The following UNC80 variants were observed in gnomAD, a reference collection of about 807,000 sequenced individuals.
The protein encoded by UNC80 is protein unc-80 homolog.
A neutral mutation model predicts 384.6 loss-of-function variants in UNC80; 164 were observed. The observed-to-expected ratio is 0.43, with a 90% CI of 0.38 to 0.49. The LOEUF is 0.49. UNC80 is among the 20% of genes least tolerant of loss of function. The pLI, the probability that UNC80 is intolerant of heterozygous loss-of-function variation, is 0.00. For synonymous variants in UNC80, 1,486 were observed against 1,527.8 expected, an observed-to-expected ratio of 0.97 and a Z score of 0.64; for missense variants, 3,330 against 4,143.0, an observed-to-expected ratio of 0.80 and a Z score of 5.39.
chr2:209,915,411 A>C (rs1002796693), intron 31 of UNC80, among the ~76,000 whole-genome samples: 1 of 150,424 alleles, frequency 6.6e-6, no homozygotes, highest in African/African-American at 2.5e-5. Flanking sequence ...TCTCAAAAAA[A>C]AAAAAAAAAA....
chr2:209,949,634 C>T (rs1214457677), intron 47 of UNC80, among the ~76,000 whole-genome samples: 1 of 152,040 alleles, frequency 6.6e-6, no homozygotes, highest in Non-Finnish European at 1.5e-5. Context: ...CCCGCCACCA[C>T]ACCCAGCTAA....
At chr2:209,822,610 A>G (rs969367782) in intron 13 of UNC80, among the ~76,000 whole-genome samples, 2 of 152,214 alleles carry the variant, frequency 1.3e-5, no homozygotes, top group African/African-American at 4.8e-5. Context: ...AGCAAAGCTT[A>G]GATGTTCCAA....
Position 209,959,615 on chromosome 2 carries a change from G to C in UNC80, c.7713G>C (p.Lys2571Asn). ...TGAATATTTGCACTGAGTTCTATAAGCACTGTGGGCCACGGCTGAAGATCT... is the reference window on the plus strand; with the variant it reads ...TGAATATTTGCACTGAGTTCTATAACCACTGTGGGCCACGGCTGAAGATCT... ...SLLNICTEFY[K>N]HCGPRLKILQ... is the part of the protein sequence containing the mutation. Residue 2571 changes from lysine (K) to asparagine (N), a missense_variant, in exon 51 of 65, where the codon AAG (lysine) becomes AAC (asparagine). By Grantham distance (94) the Lys-to-Asn change is moderately conservative. This residue lies in a region of UNC80 where 1,049 missense variants were observed against 1,488.6 expected (regional missense o/e 0.70). Coordinates refer to ENST00000673920, the MANE Select transcript of UNC80 (RefSeq NM_001371986.1). 6.4e-7 allele frequency: 1 copy of C among 1,551,742 alleles called. No homozygotes were observed. The highest frequency in any genetic ancestry group is 1.7e-4 in the Middle Eastern group (1 of 5,992).
chr2:209,894,549 T>G (rs1011988311), intron 27 of UNC80, among the ~76,000 whole-genome samples, 183 bp downstream of exon 27: 1 of 152,200 alleles, frequency 6.6e-6, no homozygotes, highest in African/African-American at 2.4e-5. Context: ...CAAGCCTTGA[T>G]GTGCATATGG....
At position 209,959,564 on chromosome 2, in the gene UNC80, G is replaced by T; in HGVS notation, c.7662G>T (p.Glu2554Asp). ...TGGATGAACGAATTGCTCGGGAAGA[G>T]TTCAGAAGACCCCGGGAGTCCTTAC... Reference protein sequence around the residue: ...EELDERIAREEFRRPRESLLN... With the variant: ...EELDERIAREDFRRPRESLLN... The change falls in exon 51 of 65, where the codon GAG becomes GAT. Residue 2554 changes from glutamate (E) to aspartate (D), a missense_variant. Coordinates refer to ENST00000673920, the MANE Select transcript of UNC80 (RefSeq NM_001371986.1). The T allele has an allele frequency of 6.4e-7, 1 of 1,551,732 alleles. No individual in the cohort carries two copies. The highest frequency in any genetic ancestry group is 1.2e-5 in the South Asian group (1 of 84,060).
intron 55 of UNC80, among the ~76,000 whole-genome samples, chr2:209,972,672 G>A (rs1027893894): frequency 5.3e-5 from 8 of 152,146 alleles, no homozygotes; most frequent in Non-Finnish European, 7.4e-5. Context: ...GTGGACACTG[G>A]GTTTAGCAGA....
intron 33 of UNC80, 77 bp from the exon 34 acceptor site, chr2:209,921,423 T>A: frequency 7.4e-7 from 1 of 1,352,134 alleles, no homozygotes; most frequent in African/African-American, 1.5e-5. Flanking sequence ...GTTTGTGTCA[T>A]TCATTGGAAC....
rs991099209 is a variant in UNC80, at chr2:209,976,341, C to T, written c.8772+38C>T. Reference sequence around the variant, plus strand: ...CTTCTCCTCCTGAAAGTGGCAAGCTCAAATGAATGTGTGGCTCTCTACTGA... The same window carrying T: ...CTTCTCCTCCTGAAAGTGGCAAGCTTAAATGAATGTGTGGCTCTCTACTGA... On this transcript the variant is annotated intron_variant, in intron 57 of 64. Coordinates refer to ENST00000673920, the MANE Select transcript of UNC80 (RefSeq NM_001371986.1). This position sits in a 1 kb window ranked among gnomAD's most constrained non-coding sequence, Gnocchi z 4.3. 11 of 1,551,084 alleles carry T rather than the reference C, an allele frequency of 7.1e-6. No homozygotes were observed. In the African/African-American group the frequency reaches 1.5e-4, roughly 21 times the overall value.
chr2:209,971,809 G>T (rs1010962502), intron 54 of UNC80, among the ~76,000 whole-genome samples: 2 of 152,346 alleles, frequency 1.3e-5, no homozygotes, highest in African/African-American at 4.8e-5. Context: ...GGCCTTTCAT[G>T]GCAGGGGCCA....
At chr2:209,972,753 T>C (rs1265740711) in intron 55 of UNC80, among the ~76,000 whole-genome samples, 2 of 152,212 alleles carry the variant, frequency 1.3e-5, no homozygotes, top group Non-Finnish European at 2.9e-5. Flanking sequence ...AGGGATTCTT[T>C]TAGGAAAAGT....
chr2:209,910,612 G>A (rs568692642), intron 29 of UNC80, among the ~76,000 whole-genome samples: 1 of 147,726 alleles, frequency 6.8e-6, no homozygotes, highest in African/African-American at 2.5e-5. Flanking sequence ...TTGGTAGGCA[G>A]AAACACAGGG....
chr2:209,959,358 C>G, intron 50 of UNC80, 131 bp from the exon 51 acceptor site: 1 of 1,094,420 alleles, frequency 9.1e-7, no homozygotes, highest in African/African-American at 1.6e-5. Context: ...ATGAGGTTCT[C>G]CTTGGCCTCA....
At chr2:209,988,191 C>G (rs921566743) in intron 61 of UNC80, among the ~76,000 whole-genome samples, 59 of 152,170 alleles carry the variant, frequency 3.9e-4, no homozygotes, top group Non-Finnish European at 2.5e-4. Context: ...CCGTGAAGTG[C>G]TGGCTTCATG....
intron 35 of UNC80, among the ~76,000 whole-genome samples, chr2:209,924,013 GATA>G (rs926086819): frequency 7.0e-4 from 107 of 151,832 alleles, no homozygotes; most frequent in Admixed American, 2.0e-4. Flanking sequence ...AACTTTATAA[GATA>G]ATATGTTTTA....
chr2:209,925,332 C>A (rs745780059), intron 35 of UNC80, among the ~76,000 whole-genome samples: 2 of 152,110 alleles, frequency 1.3e-5, no homozygotes, highest in Non-Finnish European at 2.9e-5. Context: ...TTCCTTCCAG[C>A]GGGTTCTTGG....
At chr2:209,927,935 G>T in intron 36 of UNC80, among the ~76,000 whole-genome samples, 1 of 152,116 alleles carries the variant, frequency 6.6e-6, no homozygotes, top group Admixed American at 6.6e-5. Flanking sequence ...TTCTGTGAAT[G>T]CTGGAATTGC....
intron 22 of UNC80, among the ~76,000 whole-genome samples, chr2:209,867,141 A>G (rs1294215983): frequency 6.6e-6 from 1 of 152,250 alleles, no homozygotes; most frequent in Admixed American, 6.5e-5. Context: ...TGTTAGAAGT[A>G]GTGTTTTTCA....
At chr2:209,811,364 G>C (rs2079335018) in intron 7 of UNC80, among the ~76,000 whole-genome samples, 1 of 152,116 alleles carries the variant, frequency 6.6e-6, no homozygotes, top group African/African-American at 2.4e-5. Flanking sequence ...TTATTCTAAG[G>C]GGATTGAATA....
intron 43 of UNC80, among the ~76,000 whole-genome samples, chr2:209,940,433 A>G (rs1181013070): frequency 6.6e-6 from 1 of 152,198 alleles, no homozygotes; most frequent in Non-Finnish European, 1.5e-5. Flanking sequence ...AAGGAGACCC[A>G]CTTTGGAGCC....
Sources: gnomAD v4.1 joint callset for allele counts (sites outside exome capture counted in the v4.1 genomes callset) on GRCh38, gnomAD v4.1.1 for gene constraint, gnomAD v4.1.1 regional missense constraint, Gnocchi (gnomAD v3.1) non-coding constraint, MANE v1.5 for transcripts, NCBI Gene and HGNC (gene_info 2026-07-23, HGNC 2026-07-21) for gene names.